Variants in TF observed in about 807,000 individuals in gnomAD.
TF encodes serotransferrin.
TF carries 55 observed loss-of-function variants against 82.4 expected under a neutral mutation model. The observed-to-expected ratio is 0.67, with a 90% confidence interval of 0.54 to 0.84. The LOEUF is 0.84. TF is among the 40% of genes least tolerant of loss of function. TF has a pLI of 0.00. For missense variants in TF, 737 were observed against 868.4 expected, an observed-to-expected ratio of 0.85 and a Z score of 1.90; for synonymous variants, 332 against 332.6, an observed-to-expected ratio of 1.00 and a Z score of 0.02.
the TF span, among the ~76,000 whole-genome samples, chr3:133,722,215 A>T: frequency 6.6e-6 from 1 of 151,712 alleles, no homozygotes; most frequent in Non-Finnish European, 1.5e-5. Flanking sequence ...TGTCTATTTT[A>T]TCTGATGTAA....
the TF span, among the ~76,000 whole-genome samples, chr3:133,688,982 G>T: frequency 6.6e-6 from 1 of 152,036 alleles, no homozygotes; most frequent in Admixed American, 6.5e-5. Flanking sequence ...ATAATAAAAA[G>T]AAAATTATTT....
chr3:133,766,505 A>G, intron 12 of TF, 72 bp downstream of exon 12: 1 of 1,600,758 alleles, frequency 6.2e-7, no homozygotes, highest in East Asian at 2.2e-5. Context: ...AGGGAAGAGG[A>G]GTGTGGCATA....
chr3:133,740,956 T>C, the TF span, among the ~76,000 whole-genome samples: 1 of 149,810 alleles, frequency 6.7e-6, no homozygotes, highest in African/African-American at 2.4e-5. Flanking sequence ...CAATTGACTT[T>C]GGTGTGTTTA....
At chr3:133,696,901 G>A in the TF span, among the ~76,000 whole-genome samples, 1 of 151,850 alleles carries the variant, frequency 6.6e-6, no homozygotes, top group Non-Finnish European at 1.5e-5. Flanking sequence ...CAGATTCTGG[G>A]TCTTATAACA....
Position 133,788,286 on chromosome 3 carries a change from G to A in TF, c.*9666G>A, listed in dbSNP as rs1218625887. The A allele has an allele frequency of 6.6e-6, 1 of 152,170 alleles. No individual in the cohort carries two copies. The highest frequency in any genetic ancestry group is 6.5e-5 in the Admixed American group (1 of 15,278). The allele number at this position is 152,170 out of a possible 1,614,324, so 9.4% of individuals were successfully genotyped here. On this transcript the variant is annotated 3_prime_UTR_variant, in exon 17 of 17. Transcript: ENST00000402696. ...AGTAAATGACTAGGGTGTATACTAA[G>A]TAAATGACTTTGTAACTTTATTTCA... is the stretch of plus-strand genomic sequence containing the variant.
At position 133,796,130 on chromosome 3, in the gene TF, C is replaced by A. The variant is rs1934964415; in HGVS notation, c.*17510C>A. On this transcript the variant is annotated 3_prime_UTR_variant, in exon 17 of 17. Transcript: ENST00000402696. ...TTAAATCTTTTAACCAAATTAATTTCCTCTCGCCAAAAGACCATCAAGCTT... is the reference window on the plus strand; with the variant it reads ...TTAAATCTTTTAACCAAATTAATTTACTCTCGCCAAAAGACCATCAAGCTT... 2 of 153,460 alleles carry A rather than the reference C, an allele frequency of 1.3e-5. No individual in the cohort carries two copies. Among genetic ancestry groups the A allele is most frequent in the African/African-American group, 4.8e-5 (2 of 41,446 alleles). The allele number at this position is 153,460 out of a possible 1,614,324, so 9.5% of individuals were successfully genotyped here. A position where few individuals can be genotyped will look rare whatever the true frequency, so the allele number is the denominator to read the frequency against.
At chr3:133,756,178 A>T (rs970913974) in intron 5 of TF, 104 bp from the exon 6 acceptor site, 5 of 1,143,998 alleles carry the variant, frequency 4.4e-6, no homozygotes, top group Admixed American at 1.9e-5. Flanking sequence ...GGGCTGCACC[A>T]GGCTCTATCC....
the TF span, among the ~76,000 whole-genome samples, chr3:133,678,562 G>A: frequency 9.3e-3 from 1,413 of 152,232 alleles, 25 homozygotes; most frequent in African/African-American, 0.032. Flanking sequence ...TCTAACTGGC[G>A]TGAGGTGGTA....
chr3:133,759,337 A>T lies in TF; in HGVS notation c.1203+8A>T, dbSNP rs368843608. The T allele has an allele frequency of 6.2e-7, 1 of 1,613,052 alleles. No homozygotes were observed. The highest frequency in any genetic ancestry group is 1.7e-5 in the Admixed American group (1 of 60,006). On this transcript the variant is annotated splice_region_variant and intron_variant, in intron 9 of 16. Transcript: ENST00000402696. ...TGCATCGCCAAGATCATGGTATGTCACTCCAGCCTTCCTAGGGCAGCGTCC... is the reference window on the plus strand; with the variant it reads ...TGCATCGCCAAGATCATGGTATGTCTCTCCAGCCTTCCTAGGGCAGCGTCC...
the TF span, among the ~76,000 whole-genome samples, chr3:133,672,811 GA>G: frequency 6.9e-6 from 1 of 144,844 alleles, no homozygotes; most frequent in Admixed American, 6.9e-5. Flanking sequence ...GAGAGAAAGA[GA>G]AAGAAAAAGA....
chr3:133,694,118 G>T, the TF span: 1 of 152,880 alleles, frequency 6.5e-6, no homozygotes, highest in East Asian at 1.9e-4. Context: ...GTGTGCAGAT[G>T]CATGGGCTCT....
intron 13 of TF, among the ~76,000 whole-genome samples, chr3:133,768,784 A>AT (rs5852766): frequency 0.053 from 4,350 of 82,126 alleles, 70 homozygotes; most frequent in African/African-American, 0.076. Context: ...GTACCTTGCT[A>AT]TTTTTTTTTT....
At chr3:133,710,936 G>T in the TF span, among the ~76,000 whole-genome samples, 1 of 152,134 alleles carries the variant, frequency 6.6e-6, no homozygotes, top group African/African-American at 2.4e-5. Flanking sequence ...TCACTCCTCA[G>T]GAAGGATTCT....
At chr3:133,739,179 A>G in the TF span, among the ~76,000 whole-genome samples, 4 of 152,202 alleles carry the variant, frequency 2.6e-5, no homozygotes, top group Non-Finnish European at 4.4e-5. Context: ...CAACCATCTG[A>G]TCTTTGACAA....
chr3:133,759,343 G>A lies in TF; in HGVS notation c.1203+14G>A. On this transcript the variant is annotated intron_variant, in intron 9 of 16. Coordinates refer to ENST00000402696, the MANE Select transcript of TF (RefSeq NM_001063.4). ...GCCAAGATCATGGTATGTCACTCCA[G>A]CCTTCCTAGGGCAGCGTCCCTGTCA... The A allele has an allele frequency of 6.2e-7, 1 of 1,612,900 alleles. No homozygotes were observed. The highest frequency in any genetic ancestry group is 8.5e-7 in the Non-Finnish European group (1 of 1,179,952).
chr3:133,729,418 T>G, the TF span, among the ~76,000 whole-genome samples: 3 of 152,226 alleles, frequency 2.0e-5, no homozygotes, highest in Non-Finnish European at 4.4e-5. Context: ...CAGACTGCTG[T>G]GCTAGCAATC....
chr3:133,686,705 G>T, the TF span, among the ~76,000 whole-genome samples: 3 of 152,334 alleles, frequency 2.0e-5, no homozygotes, highest in African/African-American at 7.2e-5. Context: ...AACAACAGGT[G>T]CTGGAGAGGA....
In TF at chr3:133,783,252, A is replaced by G. The variant is rs867651536; in HGVS notation, c.*4632A>G. 7.2e-5 allele frequency: 11 copies of G among 152,246 alleles called. No homozygotes were observed. The highest frequency in any genetic ancestry group is 2.4e-4 in the African/African-American group (10 of 41,464). 9.4% of individuals were successfully genotyped at this position (152,246 alleles called of 1,614,324 possible). ...TATAATGATGACTGGAAAGGGTGGT[A>G]GTCACATGGAAATAATGAAGCAGAA... On this transcript the variant is annotated 3_prime_UTR_variant, in exon 17 of 17. Coordinates refer to ENST00000402696, the MANE Select transcript of TF (RefSeq NM_001063.4).
At chr3:133,690,641 T>C in the TF span, among the ~76,000 whole-genome samples, 1 of 152,204 alleles carries the variant, frequency 6.6e-6, no homozygotes, top group Non-Finnish European at 1.5e-5. Context: ...GGGAGAGATA[T>C]GTTAGAGGAG....
Sources: allele counts gnomAD v4.1 joint callset (sites outside exome capture counted in the v4.1 genomes callset), GRCh38; gene constraint gnomAD v4.1.1; transcripts MANE v1.5; gene names NCBI Gene and HGNC (gene_info 2026-07-23, HGNC 2026-07-21).